CELF6: variants seen among roughly 807,000 people sequenced by gnomAD.
CELF6 encodes the protein Bruno -like 6, RNA binding protein.
Under a neutral mutation model 53.1 loss-of-function variants are expected in CELF6, and 32 were observed. The ratio of observed to expected loss-of-function variants is 0.60; its 90% CI spans 0.46 to 0.81. The LOEUF (loss-of-function observed/expected upper bound fraction) is 0.81. Among genes scored for constraint, CELF6 ranks in the 30% least tolerant of loss-of-function variants. CELF6 has a pLI of 0.00. For missense variants in CELF6, 539 were observed against 669.5 expected, an observed-to-expected ratio of 0.81 and a Z score of 2.15; for synonymous variants, 291 against 288.8, an observed-to-expected ratio of 1.01 and a Z score of -0.08.
chr15:72,317,897 AG>A (rs2088381704), intron 1 of CELF6, among the ~76,000 whole-genome samples: 1 of 152,198 alleles, frequency 6.6e-6, no homozygotes, highest in African/African-American at 2.4e-5. Context: ...AATGAAGGGA[AG>A]AAAAGACAGA....
At chr15:72,307,750 C>T (rs2088249151) in intron 2 of CELF6, among the ~76,000 whole-genome samples, 1 of 152,302 alleles carries the variant, frequency 6.6e-6, no homozygotes, top group East Asian at 1.9e-4. Context: ...CACAGAGGGA[C>T]CAGGGCCTCG....
rs774783595 is a variant in CELF6 at position 72,289,090 on chromosome 15, C to T, written c.1030+48G>A. ...AGCCAGGCCCTAACCCCCCACCCCC[C>T]GCTCCCCACTCCATTTCGGGGGGAT... is the stretch of plus-strand genomic sequence containing the variant. On this transcript the variant is annotated intron_variant, in intron 8 of 12. Transcript: ENST00000287202. This position sits in a 1 kb window ranked among gnomAD's most constrained non-coding sequence, Gnocchi z 7.6. 7.4e-5 allele frequency: 106 copies of T among 1,423,606 alleles called. No individual in the cohort carries two copies. Among genetic ancestry groups the T allele is most frequent in the Non-Finnish European group, 8.6e-5 (92 of 1,067,846 alleles). 88.2% of individuals were successfully genotyped at this position (1,423,606 alleles called of 1,614,324 possible). A position where few individuals can be genotyped will look rare whatever the true frequency, so the allele number is the denominator to read the frequency against.
At chr15:72,296,803 C>T (rs550315044) in intron 3 of CELF6, among the ~76,000 whole-genome samples, 24 of 152,120 alleles carry the variant, frequency 1.6e-4, no homozygotes, top group Non-Finnish European at 3.2e-4. Flanking sequence ...AAAATCACAG[C>T]GTTGGCGAGG....
intron 2 of CELF6, among the ~76,000 whole-genome samples, chr15:72,311,137 C>A (rs2088288404): frequency 6.6e-6 from 1 of 151,720 alleles, no homozygotes. Context: ...TTTCTTTATT[C>A]CTTTATTTAT....
At position 72,319,965 on chromosome 15, in the gene CELF6, G is replaced by GGGGCGGAGCCCGGGCGGAGA. The variant is rs2088408884; in HGVS notation, c.-111_-92dup. On this transcript the variant is annotated 5_prime_UTR_variant, in exon 1 of 13. Transcript: ENST00000287202. The surrounding 1 kb of genome is among the most constrained non-coding windows in gnomAD (Gnocchi z 5.0). ...GACCGGTGGCGAGGGCCAGGGGGAG[G>GGGGCGGAGCCCGGGCGGAGA]GGGCGGAGCCCGGGCGGAGAGGGCG... is the stretch of plus-strand genomic sequence containing the variant. 1 of 1,362,122 alleles carries GGGGCGGAGCCCGGGCGGAGA rather than the reference G, an allele frequency of 7.3e-7. No individual in the cohort carries two copies. Among genetic ancestry groups the GGGGCGGAGCCCGGGCGGAGA allele is most frequent in the Non-Finnish European group, 9.4e-7 (1 of 1,060,526 alleles). The allele number at this position is 1,362,122 out of a possible 1,614,324, so 84.4% of individuals were successfully genotyped here.
chr15:72,315,179 G>C (rs2088347447), intron 2 of CELF6, among the ~76,000 whole-genome samples: 1 of 152,206 alleles, frequency 6.6e-6, no homozygotes, highest in African/African-American at 2.4e-5. Flanking sequence ...AGGCTGTATA[G>C]TATGACTTGC....
intron 2 of CELF6, among the ~76,000 whole-genome samples, chr15:72,312,241 G>A (rs2912222): frequency 0.032 from 4,838 of 152,198 alleles, 157 homozygotes; most frequent in African/African-American, 0.075. Context: ...AGGAGTTCTC[G>A]AATAGGGAGG....
intron 3 of CELF6, among the ~76,000 whole-genome samples, chr15:72,291,263 G>A (rs576339892): frequency 2.2e-4 from 33 of 152,278 alleles, no homozygotes; most frequent in South Asian, 1.0e-3. Context: ...GGGTTTTGCC[G>A]CACATCCAGC....
At chr15:72,308,451 T>G (rs1318531886) in intron 2 of CELF6, among the ~76,000 whole-genome samples, 2 of 152,036 alleles carry the variant, frequency 1.3e-5, no homozygotes, top group African/African-American at 2.4e-5. Flanking sequence ...GGTCTTGAAC[T>G]CCCGACCTCA....
At chr15:72,313,524 G>A (rs2088326003) in intron 2 of CELF6, 2 of 152,316 alleles carry the variant, frequency 1.3e-5, no homozygotes, top group African/African-American at 4.8e-5. Flanking sequence ...TTTTTGGGGG[G>A]GACCTCCCAT....
At position 72,289,107 on chromosome 15, in the gene CELF6, C is replaced by T; in HGVS notation, c.1030+31G>A. The T allele has an allele frequency of 2.7e-6, 4 of 1,477,108 alleles. No homozygotes were observed. The highest frequency in any genetic ancestry group is 2.7e-6 in the Non-Finnish European group (3 of 1,111,496). The allele number at this position is 1,477,108 out of a possible 1,614,324, so 91.5% of individuals were successfully genotyped here. On this transcript the variant is annotated intron_variant, in intron 8 of 12. Coordinates refer to ENST00000287202, the MANE Select transcript of CELF6 (RefSeq NM_052840.5). The surrounding 1 kb of genome is among the most constrained non-coding windows in gnomAD (Gnocchi z 7.6). ...CCACCCCCCGCTCCCCACTCCATTT[C>T]GGGGGGATTTGGGCGGAGCGGGGGG...
At position 72,292,377 on chromosome 15, in the gene CELF6, C is replaced by A. The variant is rs2141187334; in HGVS notation, c.395-2122G>T. On this transcript the variant is annotated intron_variant, in intron 3 of 12. Transcript: ENST00000287202. ...GAGAATCAAACCCCGAAAGACCATG[C>A]CATTGTTCTAAGTTATTCTGGGCTG... 1.2e-5 allele frequency: 9 copies of A among 724,642 alleles called. No homozygotes were observed. The South Asian group carries it at 1.7e-4, about 14-fold the overall frequency. 44.9% of individuals were successfully genotyped at this position (724,642 alleles called of 1,614,324 possible). A position where few individuals can be genotyped will look rare whatever the true frequency, so the allele number is the denominator to read the frequency against.
At chr15:72,298,041 C>T (rs1036134368) in intron 3 of CELF6, among the ~76,000 whole-genome samples, 1 of 152,194 alleles carries the variant, frequency 6.6e-6, no homozygotes, top group South Asian at 2.1e-4. Context: ...TTAAATTCAT[C>T]TAAGGACCAA....
In CELF6 at chr15:72,289,561, G is replaced by A; in HGVS notation, c.748-54C>T. ...AGGGCCAAGGGGCAGGCAGCTGCCCGTGCTCTCAGCCCCAGGCCTGGCCCA... is the reference window on the plus strand; with the variant it reads ...AGGGCCAAGGGGCAGGCAGCTGCCCATGCTCTCAGCCCCAGGCCTGGCCCA... On this transcript the variant is annotated intron_variant, in intron 6 of 12. Transcript: ENST00000287202. This position sits in a 1 kb window ranked among gnomAD's most constrained non-coding sequence, Gnocchi z 7.6. The A allele has an allele frequency of 4.0e-6, 6 of 1,482,228 alleles. No individual in the cohort carries two copies. Among genetic ancestry groups the A allele is most frequent in the Non-Finnish European group, 5.3e-6 (6 of 1,121,504 alleles). The allele number at this position is 1,482,228 out of a possible 1,614,324, so 91.8% of individuals were successfully genotyped here.
In CELF6 at chr15:72,289,084, A is replaced by C. The variant is rs1469899520; in HGVS notation, c.1030+54T>G. The C allele has an allele frequency of 5.0e-6, 7 of 1,401,684 alleles. No homozygotes were observed. The highest frequency in any genetic ancestry group is 6.7e-6 in the Non-Finnish European group (7 of 1,050,234). The allele number at this position is 1,401,684 out of a possible 1,614,324, so 86.8% of individuals were successfully genotyped here. On this transcript the variant is annotated intron_variant, in intron 8 of 12. Coordinates refer to ENST00000287202, the MANE Select transcript of CELF6 (RefSeq NM_052840.5). The surrounding 1 kb of genome is among the most constrained non-coding windows in gnomAD (Gnocchi z 7.6). ...CAGGGAAGCCAGGCCCTAACCCCCC[A>C]CCCCCCGCTCCCCACTCCATTTCGG...
At chr15:72,299,370 T>C (rs2088122032) in intron 3 of CELF6, among the ~76,000 whole-genome samples, 1 of 148,850 alleles carries the variant, frequency 6.7e-6, no homozygotes, top group Non-Finnish European at 1.5e-5. Flanking sequence ...TTCTTTTTTT[T>C]TTTTTTTGAA....
chr15:72,289,898 C>A lies in CELF6; in HGVS notation c.603+41G>T, dbSNP rs748718952. On this transcript the variant is annotated intron_variant, in intron 5 of 12. Coordinates refer to ENST00000287202, the MANE Select transcript of CELF6 (RefSeq NM_052840.5). This position sits in a 1 kb window ranked among gnomAD's most constrained non-coding sequence, Gnocchi z 7.6. ...CTCGGGGAGGAGAAGCCCGTCCCCA[C>A]CCCACTGGCCTCACCCTCAGCCCAG... 1 of 1,536,202 alleles carries A rather than the reference C, an allele frequency of 6.5e-7. No homozygotes were observed. The highest frequency in any genetic ancestry group is 2.4e-5 in the East Asian group (1 of 40,920).
chr15:72,311,088 C>G (rs2088287849), intron 2 of CELF6, among the ~76,000 whole-genome samples: 1 of 152,188 alleles, frequency 6.6e-6, no homozygotes, highest in Non-Finnish European at 1.5e-5. Context: ...GATAACATCT[C>G]TGCAAAGCAT....
intron 3 of CELF6, among the ~76,000 whole-genome samples, chr15:72,303,599 G>A (rs964682098): frequency 2.6e-5 from 4 of 152,066 alleles, no homozygotes; most frequent in African/African-American, 7.2e-5. Flanking sequence ...TCCTGAACTC[G>A]GGCAGCTTCT....
Sources: gnomAD v4.1 joint callset for allele counts (sites outside exome capture counted in the v4.1 genomes callset) on GRCh38, gnomAD v4.1.1 for gene constraint, Gnocchi (gnomAD v3.1) non-coding constraint, MANE v1.5 for transcripts, NCBI Gene and HGNC (gene_info 2026-07-23, HGNC 2026-07-21) for gene names.